MACROD2: variants seen among roughly 807,000 people sequenced by gnomAD.
MACROD2 encodes mono-ADP ribosylhydrolase 2, also known as ADP-ribose glycohydrolase MACROD2.
Under a neutral mutation model 70.4 loss-of-function variants are expected in MACROD2, and 36 were observed. The observed-to-expected ratio is 0.51, with a 90% CI of 0.39 to 0.68. MACROD2 has a LOEUF of 0.68. Ranked by LOEUF, MACROD2 falls within the 30% of genes least tolerant of loss-of-function variation. MACROD2 has a pLI of 0.00. For missense variants in MACROD2, 496 were observed against 538.4 expected, an observed-to-expected ratio of 0.92 and a Z score of 0.78; for synonymous variants, 172 against 178.8, an observed-to-expected ratio of 0.96 and a Z score of 0.30.
At chr20:14,630,608 A>T (rs1984454768) in intron 4 of MACROD2, among the ~76,000 whole-genome samples, 1 of 152,176 alleles carries the variant, frequency 6.6e-6, no homozygotes, top group South Asian at 2.1e-4. Context: ...GAACACTTAC[A>T]CAATAGGATT....
At chr20:15,888,401 A>G (rs1452802678) in intron 10 of MACROD2, among the ~76,000 whole-genome samples, 10 of 152,094 alleles carry the variant, frequency 6.6e-5, no homozygotes, top group Admixed American at 6.6e-4. Context: ...AGTATCTTTT[A>G]GCTATGAGGG....
chr20:15,553,326 G>A (rs1271113880), intron 8 of MACROD2, among the ~76,000 whole-genome samples: 1 of 152,154 alleles, frequency 6.6e-6, no homozygotes, highest in Non-Finnish European at 1.5e-5. Context: ...CTATGCTAGA[G>A]GAAGTCCCAT....
chr20:14,722,037 C>T (rs1326249688), intron 5 of MACROD2, among the ~76,000 whole-genome samples: 1 of 152,186 alleles, frequency 6.6e-6, no homozygotes, highest in Non-Finnish European at 1.5e-5. Context: ...CACAGTAATG[C>T]CCCATAACAA....
chr20:15,083,580 C>T (rs540860826), intron 5 of MACROD2, among the ~76,000 whole-genome samples: 1 of 151,176 alleles, frequency 6.6e-6, no homozygotes, highest in East Asian at 1.9e-4. Flanking sequence ...TTTATTTTCC[C>T]TCCACATCAA....
At chr20:14,515,483 A>G (rs1297428708) in intron 4 of MACROD2, among the ~76,000 whole-genome samples, 2 of 146,626 alleles carry the variant, frequency 1.4e-5, no homozygotes, top group African/African-American at 2.7e-5. Flanking sequence ...ACACACACAC[A>G]CACACACACA....
chr20:15,020,012 T>G (rs1229579242), intron 5 of MACROD2, among the ~76,000 whole-genome samples: 1 of 152,184 alleles, frequency 6.6e-6, no homozygotes, highest in Non-Finnish European at 1.5e-5. Flanking sequence ...GCTTAATTGT[T>G]GTTCAAAATT....
chr20:14,389,004 A>C (rs200828753), intron 3 of MACROD2, among the ~76,000 whole-genome samples: 4 of 151,864 alleles, frequency 2.6e-5, no homozygotes, highest in Non-Finnish European at 5.9e-5. Flanking sequence ...CAGCCCCCTG[A>C]GTAGCTAGGA....
intron 6 of MACROD2, among the ~76,000 whole-genome samples, chr20:15,286,977 G>A (rs1173236396): frequency 2.0e-5 from 3 of 152,074 alleles, no homozygotes; most frequent in South Asian, 2.1e-4. Context: ...AAAAAGAGAC[G>A]CTACACTGCA....
intron 6 of MACROD2, among the ~76,000 whole-genome samples, chr20:15,425,727 C>T (rs984069121): frequency 1.3e-5 from 2 of 152,094 alleles, no homozygotes; most frequent in East Asian, 1.9e-4. Flanking sequence ...CAGCCCCTTC[C>T]GATGGAGCTG....
chr20:15,412,597 G>T lies in MACROD2; in HGVS notation c.541-18808G>T, dbSNP rs2146326575. Among the ~76,000 whole-genome samples the T allele has an allele frequency of 1.3e-5, 2 of 152,266 alleles. 1 individual carries two copies. The highest frequency in any genetic ancestry group is 4.8e-5 in the African/African-American group (2 of 41,560). Reference sequence around the variant, plus strand: ...TAGATCCAGACTTTGTTTTCTACGTGAAAACTGACAGTTCTCTGGAACTGT... The same window carrying T: ...TAGATCCAGACTTTGTTTTCTACGTTAAAACTGACAGTTCTCTGGAACTGT... On this transcript the variant is annotated intron_variant, in intron 6 of 17. Coordinates refer to ENST00000684519, the MANE Select transcript of MACROD2 (RefSeq NM_001351661.2).
intron 6 of MACROD2, among the ~76,000 whole-genome samples, chr20:15,251,319 A>G (rs2077153932): frequency 6.6e-6 from 1 of 152,166 alleles, no homozygotes. Flanking sequence ...GTCTTTGTTC[A>G]TTCCTCAGTT....
chr20:15,219,956 GAAAAA>G (rs11482499), intron 5 of MACROD2, among the ~76,000 whole-genome samples: 1 of 106,774 alleles, frequency 9.4e-6, no homozygotes, highest in East Asian at 3.1e-4. Flanking sequence ...ATCATCTCCT[GAAAAA>G]AAAAAAAAAA....
intron 5 of MACROD2, among the ~76,000 whole-genome samples, chr20:14,702,217 G>T (rs6042868): frequency 0.017 from 2,562 of 151,392 alleles, 76 homozygotes; most frequent in African/African-American, 0.058. Context: ...CAGTACTCAT[G>T]CATTACCCAC....
intron 5 of MACROD2, among the ~76,000 whole-genome samples, chr20:15,123,056 T>C (rs1179409372): frequency 6.6e-6 from 1 of 152,208 alleles, no homozygotes; most frequent in Non-Finnish European, 1.5e-5. Context: ...TACATTTAAA[T>C]TGATGAAAAA....
intron 8 of MACROD2, among the ~76,000 whole-genome samples, chr20:15,722,772 CTT>C (rs2146937110): frequency 6.6e-6 from 1 of 152,022 alleles, no homozygotes; most frequent in East Asian, 1.9e-4. Context: ...ATTCTGTACT[CTT>C]AATATTCTAT....
At chr20:14,729,783 G>A (rs757223259) in intron 5 of MACROD2, among the ~76,000 whole-genome samples, 14 of 151,788 alleles carry the variant, frequency 9.2e-5, no homozygotes, top group Non-Finnish European at 1.9e-4. Flanking sequence ...CACAAACTCA[G>A]TATGAAAAAA....
At chr20:14,849,122 A>G (rs948204179) in intron 5 of MACROD2, among the ~76,000 whole-genome samples, 28 of 152,276 alleles carry the variant, frequency 1.8e-4, no homozygotes, top group African/African-American at 6.3e-4. Context: ...TGGCACAGTT[A>G]GGTGCTCTGA....
chr20:15,169,122 A>G (rs1399593314), intron 5 of MACROD2, among the ~76,000 whole-genome samples: 1 of 152,198 alleles, frequency 6.6e-6, no homozygotes, highest in East Asian at 1.9e-4. Context: ...TAATGCCACT[A>G]AACTGTATAC....
intron 2 of MACROD2, among the ~76,000 whole-genome samples, chr20:14,061,002 G>A (rs1323746452): frequency 2.0e-5 from 3 of 152,074 alleles, no homozygotes; most frequent in Non-Finnish European, 4.4e-5. Context: ...AAACAAAAAA[G>A]GGGGGAGTGT....
Sources: allele counts gnomAD v4.1 joint callset (sites outside exome capture counted in the v4.1 genomes callset), GRCh38; gene constraint gnomAD v4.1.1; transcripts MANE v1.5; gene names NCBI Gene and HGNC (gene_info 2026-07-23, HGNC 2026-07-21).